Variants in TUT4 observed in about 807,000 individuals in gnomAD.
TUT4 encodes the protein terminal uridylyl transferase 4.
A neutral mutation model predicts 192.2 loss-of-function variants in TUT4; 36 were observed. The ratio of observed to expected loss-of-function variants is 0.19; its 90% CI spans 0.14 to 0.25. The LOEUF (loss-of-function observed/expected upper bound fraction) is 0.25. Ranked by LOEUF, TUT4 falls within the 10% of genes least tolerant of loss-of-function variation. The pLI is 1.00. For synonymous variants in TUT4, 618 were observed against 666.0 expected, an observed-to-expected ratio of 0.93 and a Z score of 1.11; for missense variants, 1,493 against 1,957.2, an observed-to-expected ratio of 0.76 and a Z score of 4.47.
chr1:52,436,441 G>T (rs1477203881), intron 26 of TUT4, among the ~76,000 whole-genome samples: 1 of 152,072 alleles, frequency 6.6e-6, no homozygotes, highest in Admixed American at 6.6e-5. Flanking sequence ...AGCCGAGATC[G>T]CGCCACTGTA....
intron 12 of TUT4, 90 bp from the exon 13 acceptor site, chr1:52,475,625 T>A (rs952937400): frequency 8.4e-7 from 1 of 1,195,306 alleles, no homozygotes; most frequent in African/African-American, 1.5e-5. Context: ...TGATAAACTG[T>A]CAGGAGAATA....
intron 14 of TUT4, among the ~76,000 whole-genome samples, chr1:52,469,566 T>C (rs949892311): frequency 6.6e-6 from 1 of 152,118 alleles, no homozygotes; most frequent in Non-Finnish European, 1.5e-5. Flanking sequence ...TATACCATTA[T>C]GAAATCATGT....
intron 9 of TUT4, among the ~76,000 whole-genome samples, chr1:52,485,435 AT>A (rs2149016333): frequency 6.6e-6 from 1 of 152,240 alleles, no homozygotes; most frequent in Admixed American, 6.5e-5. Flanking sequence ...TTTTCCCAAT[AT>A]TTACATTCAA....
rs778718377 is a variant in TUT4, at chr1:52,452,877, C to T, written c.3435+5459G>A. ...AGTCAGAAGTTCTGGAGGGCCTAGA[C>T]TTGCAACTGGTGTCTAAACTGGGGA... is the stretch of plus-strand genomic sequence containing the variant. On this transcript the variant is annotated intron_variant, in intron 20 of 29. Coordinates refer to ENST00000257177, the MANE Select transcript of TUT4 (RefSeq NM_001009881.3). Among the ~76,000 whole-genome samples, 13 of 152,312 alleles carry T rather than the reference C, an allele frequency of 8.5e-5. No individual in the cohort carries two copies. In the Middle Eastern group the frequency reaches 0.01, roughly 120 times the overall value.
chr1:52,476,512 G>A (rs1290811647), intron 12 of TUT4, among the ~76,000 whole-genome samples: 3 of 152,122 alleles, frequency 2.0e-5, no homozygotes, highest in African/African-American at 7.2e-5. Flanking sequence ...CTCCACTACT[G>A]AAGATCTTTT....
At position 52,526,308 on chromosome 1, in the gene TUT4, G is replaced by GAAAGAAAATCTGTTTCTTTC; in HGVS notation, c.-29_-28insGAAAGAAACAGATTTTCTTT. On this transcript the variant is annotated 5_prime_UTR_variant, in exon 2 of 30. Transcript: ENST00000257177. ...TTTGAAAATCTGTTTCTTTCCAATTGTGATATTATAAAATGGCAGATCTCC... is the reference window on the plus strand; with the variant it reads ...TTTGAAAATCTGTTTCTTTCCAATTGAAAGAAAATCTGTTTCTTTCTGATATTATAAAATGGCAGATCTCC... 6.9e-7 allele frequency: 1 copy of GAAAGAAAATCTGTTTCTTTC among 1,452,162 alleles called. No homozygotes were observed. Among genetic ancestry groups the GAAAGAAAATCTGTTTCTTTC allele is most frequent in the South Asian group, 1.6e-5 (1 of 62,254 alleles). The allele number at this position is 1,452,162 out of a possible 1,614,324, so 90.0% of individuals were successfully genotyped here.
At chr1:52,473,909 A>G (rs1191560844) in intron 13 of TUT4, among the ~76,000 whole-genome samples, 2 of 152,330 alleles carry the variant, frequency 1.3e-5, no homozygotes, top group Admixed American at 1.3e-4. Context: ...TTTATGAGTT[A>G]AAGTTCAGAC....
Position 52,524,649 on chromosome 1 carries a change from T to C in TUT4, c.718+914A>G, listed in dbSNP as rs182123525. The stretch of plus-strand genomic sequence containing the variant: ...GGTGAAATCCCGTCTCTACTAAAAA[T>C]AAAAAAGTTAGCCAGGTATGGTGGC... On this transcript the variant is annotated intron_variant, in intron 2 of 29. Transcript: ENST00000257177. Among the ~76,000 whole-genome samples, 759 of 151,524 alleles carry C rather than the reference T, an allele frequency of 5.0e-3. 4 individuals carry two copies. Among genetic ancestry groups the C allele is most frequent in the Non-Finnish European group, 8.1e-3 (547 of 67,892 alleles).
Position 52,452,460 on chromosome 1 carries a change from T to C in TUT4, c.3436-5793A>G, listed in dbSNP as rs1306647685. Among the ~76,000 whole-genome samples the C allele has an allele frequency of 2.0e-5, 3 of 152,180 alleles. No individual in the cohort carries two copies. In the East Asian group the frequency reaches 5.8e-4, roughly 29 times the overall value. On this transcript the variant is annotated intron_variant, in intron 20 of 29. Coordinates refer to ENST00000257177, the MANE Select transcript of TUT4 (RefSeq NM_001009881.3). ...GGTCACCAGAAAGACCAAGGCATGATTACAGGGTTGGGACTTTCAGCCCTA... is the reference window on the plus strand; with the variant it reads ...GGTCACCAGAAAGACCAAGGCATGACTACAGGGTTGGGACTTTCAGCCCTA...
chr1:52,510,338 A>AAG (rs1557896470), intron 3 of TUT4, among the ~76,000 whole-genome samples: 1 of 149,258 alleles, frequency 6.7e-6, no homozygotes, highest in African/African-American at 2.4e-5. Flanking sequence ...AAAAAAAAAA[A>AAG]AAAGAAAAGT....
chr1:52,495,558 A>G, intron 5 of TUT4, 43 bp from the exon 6 acceptor site: 2 of 1,439,656 alleles, frequency 1.4e-6, no homozygotes, highest in Non-Finnish European at 1.9e-6. Context: ...TAGCATGCAA[A>G]TATGAGAGAT....
chr1:52,527,777 T>C (rs941826856), intron 1 of TUT4, among the ~76,000 whole-genome samples: 1 of 152,260 alleles, frequency 6.6e-6, no homozygotes, highest in Admixed American at 6.5e-5. Context: ...CATGCTACTC[T>C]GGTGCCAGAT....
At chr1:52,475,719 C>A (rs1047040600) in intron 12 of TUT4, among the ~76,000 whole-genome samples, 184 bp from the exon 13 acceptor site, 5 of 151,974 alleles carry the variant, frequency 3.3e-5, no homozygotes, top group African/African-American at 1.2e-4. Context: ...ACATTTTTTT[C>A]TTTCTCTCAT....
rs1019853711 is a variant in TUT4, at chr1:52,526,088, T to C, written c.193A>G (p.Ile65Val). Residue 65 changes from isoleucine to valine, a missense_variant, in exon 2 of 30, where the codon ATA becomes GTA. This residue lies in a region of TUT4 where 260 missense variants were observed against 247.8 expected (regional missense o/e 1.05). Transcript: ENST00000257177. ...CATGATTTAACTTCTGTTTTTTCTATACAAATATCATTTTGCTTATTTTTT... is the reference window on the plus strand; with the variant it reads ...CATGATTTAACTTCTGTTTTTTCTACACAAATATCATTTTGCTTATTTTTT... The part of the protein sequence containing the change: ...SKKNKQNDIC[I>V]EKTEVKSCKV... 5.0e-6 allele frequency: 8 copies of C among 1,610,080 alleles called. No individual in the cohort carries two copies. Among genetic ancestry groups the C allele is most frequent in the African/African-American group, 2.7e-5 (2 of 74,638 alleles).
At chr1:52,515,411 G>C (rs1366812330) in intron 3 of TUT4, 1 of 167,018 alleles carries the variant, frequency 6.0e-6, no homozygotes, top group Non-Finnish European at 1.3e-5. Flanking sequence ...GTCTATAAAG[G>C]GGCGAATAAA....
At chr1:52,535,603 G>A (rs1237686715) in intron 1 of TUT4, among the ~76,000 whole-genome samples, 1 of 152,092 alleles carries the variant, frequency 6.6e-6, no homozygotes, top group Admixed American at 6.6e-5. Context: ...AGAAAGAGAA[G>A]GGTGTAGAAA....
chr1:52,449,156 T>C (rs1411121748), intron 20 of TUT4, among the ~76,000 whole-genome samples: 1 of 152,076 alleles, frequency 6.6e-6, no homozygotes, highest in Non-Finnish European at 1.5e-5. Flanking sequence ...CATCTTCAAC[T>C]TAGCACTCAG....
intron 1 of TUT4, among the ~76,000 whole-genome samples, chr1:52,546,071 A>T (rs562457439): frequency 6.6e-6 from 1 of 151,932 alleles, no homozygotes; most frequent in Non-Finnish European, 1.5e-5. Context: ...CCCAGGAGGC[A>T]GAGGTTGCAG....
intron 9 of TUT4, 139 bp from the exon 10 acceptor site, chr1:52,482,062 A>T (rs1668604734): frequency 1.7e-6 from 1 of 586,188 alleles, no homozygotes; most frequent in Non-Finnish European, 2.6e-6. Flanking sequence ...TTGAAATATC[A>T]TCACTCTAAA....
Sources: gnomAD v4.1 joint callset for allele counts (sites outside exome capture counted in the v4.1 genomes callset) on GRCh38, gnomAD v4.1.1 for gene constraint, gnomAD v4.1.1 regional missense constraint, MANE v1.5 for transcripts, NCBI Gene and HGNC (gene_info 2026-07-23, HGNC 2026-07-21) for gene names.